Variants in DAPK2 observed in about 807,000 individuals in gnomAD.
DAPK2 encodes death associated protein kinase 2.
DAPK2 carries 35 observed loss-of-function variants against 44.1 expected under a neutral mutation model. The observed-to-expected ratio is 0.79, with a 90% CI of 0.61 to 1.05. The LOEUF (loss-of-function observed/expected upper bound fraction) is 1.05. Ranked by LOEUF, DAPK2 falls within the 50% of genes least tolerant of loss-of-function variation. The pLI is 0.00. For missense variants in DAPK2, 453 were observed against 483.2 expected (o/e 0.94, Z 0.59); for synonymous variants, 174 against 182.6 (o/e 0.95, Z 0.38).
intron 1 of DAPK2, chr15:63,991,277 G>A (rs1220251902): frequency 1.1e-5 from 5 of 456,246 alleles, no homozygotes; most frequent in African/African-American, 1.0e-4. Flanking sequence ...TGACAGGAGT[G>A]AGAAACACGC....
At chr15:63,988,861 G>A (rs1370877112) in intron 1 of DAPK2, among the ~76,000 whole-genome samples, 2 of 151,568 alleles carry the variant, frequency 1.3e-5, no homozygotes, top group Non-Finnish European at 2.9e-5. Flanking sequence ...ATATTTGCAA[G>A]TATCATTTTT....
At chr15:64,009,795 G>A (rs187273417) in intron 1 of DAPK2, among the ~76,000 whole-genome samples, 1 of 152,086 alleles carries the variant, frequency 6.6e-6, no homozygotes, top group East Asian at 1.9e-4. Flanking sequence ...TTAAGGGCAG[G>A]GCAATGTCTT....
intron 8 of DAPK2, among the ~76,000 whole-genome samples, chr15:63,914,727 G>C (rs2078883812): frequency 6.6e-6 from 1 of 152,154 alleles, no homozygotes; most frequent in African/African-American, 2.4e-5. Context: ...TCCACTTGCT[G>C]GTCTGTGAAT....
At chr15:63,958,720 T>C (rs1437427223) in intron 3 of DAPK2, among the ~76,000 whole-genome samples, 2 of 152,216 alleles carry the variant, frequency 1.3e-5, no homozygotes, top group Non-Finnish European at 2.9e-5. Flanking sequence ...TATATGTCTG[T>C]TTTGGTACCA....
rs1179735140 is a variant in DAPK2, at chr15:63,975,019, GT to G, written c.315-3459del. Among the ~76,000 whole-genome samples the G allele has an allele frequency of 2.6e-5, 4 of 152,194 alleles. No homozygotes were observed. The East Asian group carries it at 7.7e-4, about 29-fold the overall frequency. On this transcript the variant is annotated intron_variant, in intron 2 of 10. Coordinates refer to ENST00000261891, the Ensembl canonical transcript of DAPK2. The stretch of plus-strand genomic sequence containing the variant: ...CCCCTCTTCCCACCATGGCCTGAAA[GT>G]TTTTCAGGTTTACTTTGGAATCTCC...
At chr15:63,975,041 T>C (rs2078306197) in intron 2 of DAPK2, among the ~76,000 whole-genome samples, 1 of 152,192 alleles carries the variant, frequency 6.6e-6, no homozygotes, top group African/African-American at 2.4e-5. Flanking sequence ...TACTTTGGAA[T>C]CTCCTTGGCT....
chr15:64,022,669 A>G (rs976130874), intron 1 of DAPK2, among the ~76,000 whole-genome samples: 1 of 152,154 alleles, frequency 6.6e-6, no homozygotes, highest in East Asian at 1.9e-4. Flanking sequence ...ATAACAAAAA[A>G]TTAGCTGGGT....
chr15:64,036,327 A>ATATATATGTG (rs1486511784), intron 1 of DAPK2, among the ~76,000 whole-genome samples: 1 of 109,666 alleles, frequency 9.1e-6, no homozygotes, highest in Admixed American at 9.8e-5. Context: ...ATGTATATAT[A>ATATATATGTG]TATATATATA....
chr15:63,934,852 G>A (rs773454655), intron 4 of DAPK2, among the ~76,000 whole-genome samples: 22 of 152,240 alleles, frequency 1.4e-4, no homozygotes, highest in South Asian at 6.2e-4. Flanking sequence ...GAGTCACTAC[G>A]CCCAGCCATC....
At chr15:64,025,968 A>G (rs1490378154) in intron 1 of DAPK2, among the ~76,000 whole-genome samples, 1 of 152,208 alleles carries the variant, frequency 6.6e-6, no homozygotes, top group African/African-American at 2.4e-5. Context: ...ACTCACACAC[A>G]GGGCGCAGGC....
chr15:64,043,975 G>C (rs1044526642), upstream of DAPK2, among the ~76,000 whole-genome samples: 2 of 152,166 alleles, frequency 1.3e-5, no homozygotes, highest in African/African-American at 4.8e-5. Context: ...TAAAACAACT[G>C]ATAGCCACTT....
At chr15:64,014,037 C>T (rs1163938662) in intron 1 of DAPK2, among the ~76,000 whole-genome samples, 1 of 152,238 alleles carries the variant, frequency 6.6e-6, no homozygotes, top group Non-Finnish European at 1.5e-5. Flanking sequence ...TGCACCAACA[C>T]AGGTCAAGTG....
Position 63,923,016 on chromosome 15 carries a change from C to T in DAPK2, c.858+1800G>A. The T allele has an allele frequency of 6.5e-7, 1 of 1,535,908 alleles. No homozygotes were observed. Among genetic ancestry groups the T allele is most frequent in the Non-Finnish European group, 8.7e-7 (1 of 1,146,742 alleles). On this transcript the variant is annotated intron_variant, in intron 8 of 10. Transcript: ENST00000261891. This position sits in a 1 kb window ranked among gnomAD's most constrained non-coding sequence, Gnocchi z 4.2. ...TCTCGCAGCAGCTTCTTCAATGACTCCACCTTGCGGAACTCATACCTGAGC... is the reference window on the plus strand; with the variant it reads ...TCTCGCAGCAGCTTCTTCAATGACTTCACCTTGCGGAACTCATACCTGAGC...
At chr15:63,998,368 T>C (rs1209735569) in intron 1 of DAPK2, among the ~76,000 whole-genome samples, 1 of 152,106 alleles carries the variant, frequency 6.6e-6, no homozygotes, top group African/African-American at 2.4e-5. Flanking sequence ...AGGCTTTCCC[T>C]CTGGGACAGA....
rs1055628015 is a variant in DAPK2, at chr15:64,013,172, T to A, written c.92+26998A>T. 1.3e-5 allele frequency among the ~76,000 whole-genome samples: 2 copies of A among 152,230 alleles called. No homozygotes were observed. Among genetic ancestry groups the A allele is most frequent in the African/African-American group, 2.4e-5 (1 of 41,464 alleles). On this transcript the variant is annotated intron_variant, in intron 1 of 10. Transcript: ENST00000261891. This position sits in a 1 kb window ranked among gnomAD's most constrained non-coding sequence, Gnocchi z 4.7. ...GAGCCGACTCATTTCACGGTGCATG[T>A]GCACAAAGCAGTCACAATAACATTT...
At chr15:63,925,250 C>T (rs2079208980) in intron 7 of DAPK2, among the ~76,000 whole-genome samples, 1 of 152,170 alleles carries the variant, frequency 6.6e-6, no homozygotes, top group African/African-American at 2.4e-5. Context: ...GCTCTGTACC[C>T]AGGTAAGCAA....
At chr15:63,927,579 G>T (rs1478893823) in intron 6 of DAPK2, among the ~76,000 whole-genome samples, 1 of 152,126 alleles carries the variant, frequency 6.6e-6, no homozygotes, top group Non-Finnish European at 1.5e-5. Context: ...TAGGTGTATG[G>T]TGTGTCTCCC....
chr15:64,040,320 C>T, upstream of DAPK2: 2 of 1,360,710 alleles, frequency 1.5e-6, no homozygotes, highest in South Asian at 2.3e-5. Flanking sequence ...TAGCACAAGC[C>T]TAAGAGTCTA....
At chr15:64,027,248 G>C (rs578183354) in intron 1 of DAPK2, among the ~76,000 whole-genome samples, 1 of 152,188 alleles carries the variant, frequency 6.6e-6, no homozygotes, top group Non-Finnish European at 1.5e-5. Flanking sequence ...ACCAGGCGTA[G>C]TGGTGTGTGC....
Sources: allele counts gnomAD v4.1 joint callset (sites outside exome capture counted in the v4.1 genomes callset), GRCh38; gene constraint gnomAD v4.1.1; non-coding constraint Gnocchi (gnomAD v3.1); transcripts MANE v1.5; gene names NCBI Gene and HGNC (gene_info 2026-07-23, HGNC 2026-07-21).